The following CSMD1 variants were observed in gnomAD, a reference collection of about 807,000 sequenced individuals.
The protein encoded by CSMD1 is CUB and Sushi multiple domains 1, also known as CUB and sushi domain-containing protein 1.
A neutral mutation model predicts 417.5 loss-of-function variants in CSMD1; 213 were observed. The observed-to-expected ratio is 0.51, with a 90% CI of 0.46 to 0.57. The LOEUF (loss-of-function observed/expected upper bound fraction) is 0.57, where lower values mean the gene tolerates loss of function less well. Ranked by LOEUF, CSMD1 falls within the 20% of genes least tolerant of loss-of-function variation. The probability of loss-of-function intolerance (pLI) is 0.00; values close to 1 mark genes in which losing one functional copy is unlikely to be tolerated. For synonymous variants in CSMD1, 2,862 were observed against 1,736.8 expected (o/e 1.65, Z -16.11); for missense variants, 6,923 against 4,529.7 (o/e 1.53, Z -15.17).
At chr8:4,814,666 T>C (rs931886143) in intron 1 of CSMD1, among the ~76,000 whole-genome samples, 10 of 152,184 alleles carry the variant, frequency 6.6e-5, no homozygotes, top group African/African-American at 2.4e-4. Flanking sequence ...AGACTTGGTG[T>C]ATATGGGTGA....
intron 1 of CSMD1, among the ~76,000 whole-genome samples, chr8:4,855,242 T>G (rs1413511007): frequency 6.6e-6 from 1 of 150,468 alleles, no homozygotes; most frequent in Non-Finnish European, 1.5e-5. Context: ...AGAAAGGATA[T>G]CCACATCAAA....
intron 10 of CSMD1, among the ~76,000 whole-genome samples, chr8:3,532,622 G>A (rs6999415): frequency 0.11 from 16,314 of 151,984 alleles, 970 homozygotes; most frequent in Middle Eastern, 0.16. Context: ...GATTTACTAC[G>A]CCAAAATTTT....
At chr8:4,281,417 C>T (rs551006798) in intron 3 of CSMD1, among the ~76,000 whole-genome samples, 2 of 152,256 alleles carry the variant, frequency 1.3e-5, no homozygotes, top group South Asian at 2.1e-4. Flanking sequence ...ATTATCATGT[C>T]TAAAGCTATG....
At chr8:3,620,012 G>C (rs1802345196) in intron 7 of CSMD1, among the ~76,000 whole-genome samples, 5 of 152,172 alleles carry the variant, frequency 3.3e-5, no homozygotes, top group Admixed American at 3.3e-4. Context: ...TGAGACAGGA[G>C]AATAGCTTGA....
At chr8:3,492,329 C>T (rs1173104891) in intron 11 of CSMD1, among the ~76,000 whole-genome samples, 1 of 152,114 alleles carries the variant, frequency 6.6e-6, no homozygotes, top group African/African-American at 2.4e-5. Context: ...CATGGCTCCC[C>T]ATGGGTGTCT....
intron 3 of CSMD1, among the ~76,000 whole-genome samples, chr8:4,155,285 G>C (rs1041508208): frequency 7.9e-5 from 12 of 152,142 alleles, no homozygotes; most frequent in Admixed American, 1.3e-4. Flanking sequence ...TGAATTAGGG[G>C]GTGGAGCAGC....
intron 2 of CSMD1, among the ~76,000 whole-genome samples, chr8:4,579,847 A>C (rs1439256166): frequency 1.3e-5 from 2 of 152,134 alleles, no homozygotes; most frequent in Admixed American, 6.5e-5. Context: ...TTCTCAGATA[A>C]ACATTTCCCA....
At chr8:4,853,301 G>C (rs1006080507) in intron 1 of CSMD1, among the ~76,000 whole-genome samples, 1 of 152,168 alleles carries the variant, frequency 6.6e-6, no homozygotes, top group South Asian at 2.1e-4. Flanking sequence ...TTTTATGGGT[G>C]AGACTCAGGG....
rs754992588 is a variant in CSMD1, at chr8:3,586,173, C to A, written c.1185G>T (p.Thr395=). Residue 395 remains threonine (T), a synonymous_variant, in exon 9 of 70, where the codon ACG becomes ACT. Transcript: ENST00000635120. ...GCCTGTGGTCACTCCAAGCAGCGAG[C>A]GTCTCTGTAACTCTCTGACAGGTGA... ...KSITCQRVTE[T]LAAWSDHRPI... The A allele has an allele frequency of 1.2e-5, 19 of 1,612,522 alleles. No homozygotes were observed. Among genetic ancestry groups the A allele is most frequent in the Admixed American group, 3.3e-5 (2 of 59,802 alleles).
At chr8:3,624,886 G>A (rs142144591) in intron 7 of CSMD1, among the ~76,000 whole-genome samples, 12 of 152,226 alleles carry the variant, frequency 7.9e-5, no homozygotes, top group African/African-American at 2.9e-4. Flanking sequence ...TGATTTGCAG[G>A]AGGTTTATAT....
At chr8:3,943,125 A>C (rs980029373) in intron 5 of CSMD1, among the ~76,000 whole-genome samples, 6 of 152,152 alleles carry the variant, frequency 3.9e-5, no homozygotes, top group African/African-American at 1.4e-4. Flanking sequence ...GTTTGTCATT[A>C]AACAAGCTGA....
intron 2 of CSMD1, among the ~76,000 whole-genome samples, chr8:4,625,373 A>G (rs1361910098): frequency 1.3e-5 from 2 of 152,084 alleles, no homozygotes; most frequent in African/African-American, 4.8e-5. Context: ...GATCCTTTCA[A>G]CTTCCCCATG....
chr8:4,085,696 C>T (rs1259287506), intron 3 of CSMD1, among the ~76,000 whole-genome samples: 1 of 152,040 alleles, frequency 6.6e-6, no homozygotes. Context: ...CTAATATGAT[C>T]CCAAATTGTT....
rs1466076819 is a variant in CSMD1 at position 4,920,536 on chromosome 8, G to C, written c.85+73796C>G. 2.0e-5 allele frequency among the ~76,000 whole-genome samples: 3 copies of C among 152,080 alleles called. No individual in the cohort carries two copies. The South Asian group carries it at 6.2e-4, about 32-fold the overall frequency. ...GGACCTGTCCTCAGAAATTACAATG[G>C]TGAGGCCAGGCACAGTGGCTCATGC... On this transcript the variant is annotated intron_variant, in intron 1 of 69. Coordinates refer to ENST00000635120, the MANE Select transcript of CSMD1 (RefSeq NM_033225.6).
At chr8:3,055,114 G>A (rs944176864) in intron 49 of CSMD1, among the ~76,000 whole-genome samples, 1 of 152,172 alleles carries the variant, frequency 6.6e-6, no homozygotes, top group Non-Finnish European at 1.5e-5. Context: ...AGCAGGGAAA[G>A]AAATGACATT....
chr8:3,529,386 T>A (rs1363154306), intron 10 of CSMD1, among the ~76,000 whole-genome samples: 3 of 152,178 alleles, frequency 2.0e-5, no homozygotes, highest in Admixed American at 2.0e-4. Context: ...CTTAAAATAA[T>A]TGACTATATT....
At chr8:3,790,113 C>G (rs188573033) in intron 5 of CSMD1, among the ~76,000 whole-genome samples, 203 of 152,274 alleles carry the variant, frequency 1.3e-3, no homozygotes, top group African/African-American at 4.8e-3. Context: ...GTGTTAGCTG[C>G]TTATAGTTAT....
At chr8:4,368,185 G>A (rs1194158124) in intron 3 of CSMD1, among the ~76,000 whole-genome samples, 2 of 152,102 alleles carry the variant, frequency 1.3e-5, no homozygotes, top group Non-Finnish European at 2.9e-5. Context: ...CTAATTTGTT[G>A]AGGGTTTTTA....
intron 3 of CSMD1, among the ~76,000 whole-genome samples, chr8:4,125,625 G>C (rs1195998230): frequency 6.6e-6 from 1 of 152,174 alleles, no homozygotes; most frequent in African/African-American, 2.4e-5. Flanking sequence ...TTATGTCAGT[G>C]ACAGAAATCA....
Sources: gnomAD v4.1 joint callset for allele counts (sites outside exome capture counted in the v4.1 genomes callset) on GRCh38, gnomAD v4.1.1 for gene constraint, MANE v1.5 for transcripts, NCBI Gene and HGNC (gene_info 2026-07-23, HGNC 2026-07-21) for gene names.